Variants in PITPNM1 observed in about 807,000 individuals in gnomAD.
The protein encoded by PITPNM1 is phosphatidylinositol transfer protein membrane associated 1, also known as membrane-associated phosphatidylinositol transfer protein 1.
In PITPNM1, 74 loss-of-function variants were observed where a neutral mutation model predicts 133.3. That is an observed-to-expected ratio of 0.56 (90% CI 0.46 to 0.67). The LOEUF (loss-of-function observed/expected upper bound fraction) is 0.67. PITPNM1 is among the 30% of genes least tolerant of loss of function. The pLI is 0.00. For missense variants in PITPNM1, 1,398 were observed against 1,739.5 expected, an observed-to-expected ratio of 0.80 and a Z score of 3.49; for synonymous variants, 738 against 741.4, an observed-to-expected ratio of 1.00 and a Z score of 0.08.
rs1866416260 is a variant in PITPNM1, at chr11:67,504,087, TC to T, written c.78+15del. 11 of 1,582,400 alleles carry T rather than the reference TC, an allele frequency of 7.0e-6. No homozygotes were observed. The highest frequency in any genetic ancestry group is 7.7e-6 in the Non-Finnish European group (9 of 1,167,066). ...CTCCACCCCTTGCCCGGGTGCCCTCTCCCCGCCGCCCTCACCTGGATCATGT... is the reference window on the plus strand; with the variant it reads ...CTCCACCCCTTGCCCGGGTGCCCTCTCCCGCCGCCCTCACCTGGATCATGT... On this transcript the variant is annotated intron_variant, in intron 2 of 23. Transcript: ENST00000356404. This position sits in a 1 kb window ranked among gnomAD's most constrained non-coding sequence, Gnocchi z 5.4.
intron 14 of PITPNM1, 95 bp from the exon 15 acceptor site, chr11:67,496,443 G>C: frequency 8.7e-7 from 1 of 1,146,466 alleles, no homozygotes; most frequent in Non-Finnish European, 1.2e-6. Flanking sequence ...CTGATGTCTG[G>C]TGTGACCCCG....
In PITPNM1 at chr11:67,504,859, T is replaced by A. The variant is rs1220458840; in HGVS notation, c.-42+329A>T. ...TTCTTGGGCAGCCGGGTCCTCGACC[T>A]CCCCCTCCCAGCATCCTTCCTGGAC... On this transcript the variant is annotated intron_variant, in intron 1 of 23. Transcript: ENST00000356404. This position sits in a 1 kb window ranked among gnomAD's most constrained non-coding sequence, Gnocchi z 5.4. 6.6e-6 allele frequency: 1 copy of A among 152,514 alleles called. No individual in the cohort carries two copies. Among genetic ancestry groups the A allele is most frequent in the Non-Finnish European group, 1.5e-5 (1 of 68,456 alleles). The allele number at this position is 152,514 out of a possible 1,614,324, so 9.4% of individuals were successfully genotyped here.
At position 67,493,593 on chromosome 11, in the gene PITPNM1, C is replaced by T. The variant is rs1284248395; in HGVS notation, c.3159G>A (p.Arg1053=). The T allele has an allele frequency of 2.6e-6, 4 of 1,547,992 alleles. No individual in the cohort carries two copies. Among genetic ancestry groups the T allele is most frequent in the Non-Finnish European group, 2.6e-6 (3 of 1,144,988 alleles). ...TCAGGTAGCCGGAGTCCTGCCAGTG[C>T]CTGTGGGGCGGGGGCAGCGGTCAGC... ...KVRAGAVDVV[R]HWQDSGYLIV... The change falls in exon 22 of 24, where the codon AGG becomes AGA. Residue 1053 remains arginine (R), a splice_region_variant and synonymous_variant. Coordinates refer to ENST00000356404, the MANE Select transcript of PITPNM1 (RefSeq NM_004910.3).
At position 67,504,318 on chromosome 11, in the gene PITPNM1, G is replaced by A; in HGVS notation, c.-41-97C>T. 2.6e-6 allele frequency: 1 copy of A among 383,432 alleles called. No homozygotes were observed. The highest frequency in any genetic ancestry group is 4.5e-5 in the East Asian group (1 of 22,454). 23.8% of individuals were successfully genotyped at this position (383,432 alleles called of 1,614,324 possible). A position where few individuals can be genotyped will look rare whatever the true frequency, so the allele number is the denominator to read the frequency against. On this transcript the variant is annotated intron_variant, in intron 1 of 23. Transcript: ENST00000356404. The surrounding 1 kb of genome is among the most constrained non-coding windows in gnomAD (Gnocchi z 5.4). ...AGGGACTCAGGCCACGGGACCCCAT[G>A]TCCGGGCCCGCCACGAGGGAGGCAG... is the stretch of plus-strand genomic sequence containing the variant.
chr11:67,496,248 C>G lies in PITPNM1; in HGVS notation c.2247G>C (p.Gln749His), dbSNP rs763135032. Residue 749 changes from glutamine to histidine, a missense_variant, in exon 15 of 24, where the codon CAG becomes CAC. Physicochemically the swap from Gln to His is conservative, Grantham distance 24. Transcript: ENST00000356404. ...GGGGCACGGTCAGTGGGGCGATGGC[C>G]TGGAACTTCGGGGCCAGCAGGGGCT... ...RLEPLLAPKF[Q>H]AIAPLTVPRY... 6.4e-7 allele frequency: 1 copy of G among 1,559,054 alleles called. No homozygotes were observed. Among genetic ancestry groups the G allele is most frequent in the African/African-American group, 1.4e-5 (1 of 70,964 alleles).
At chr11:67,493,262 G>T (rs1865994975) in intron 22 of PITPNM1, 148 bp downstream of exon 22, 1 of 1,083,504 alleles carries the variant, frequency 9.2e-7, no homozygotes, top group Admixed American at 2.7e-5. Flanking sequence ...CCTCAAACTA[G>T]GGGAGCAGGA....
Position 67,498,024 on chromosome 11 carries a change from C to G in PITPNM1, c.1675G>C (p.Val559Leu). Residue 559 changes from valine (V) to leucine (L), a missense_variant and splice_region_variant, in exon 12 of 24, where the codon GTC becomes CTC. Physicochemically the swap from Val to Leu is conservative, Grantham distance 32. Coordinates refer to ENST00000356404, the MANE Select transcript of PITPNM1 (RefSeq NM_004910.3). This position sits in a 1 kb window ranked among gnomAD's most constrained non-coding sequence, Gnocchi z 5.7. ...CCAACACCATCTCCAATCAGTGCGA[C>G]CTGGGTGGGAGCAGGGGCACCATCA... ...SPEGAGFCGQ[V>L]ALIGDGVGGI... is the part of the protein sequence containing the mutation. 6.2e-7 allele frequency: 1 copy of G among 1,609,890 alleles called. No homozygotes were observed. The highest frequency in any genetic ancestry group is 8.5e-7 in the Non-Finnish European group (1 of 1,179,794).
rs112512649 is a variant in PITPNM1 at position 67,500,692 on chromosome 11, G to C, written c.641-271C>G. On this transcript the variant is annotated intron_variant, in intron 5 of 23. Coordinates refer to ENST00000356404, the MANE Select transcript of PITPNM1 (RefSeq NM_004910.3). ...CCCACCCCATCACTCCAGAAGCAGG[G>C]ACCAATGCTTGTTCTTGCTTTTGGC... Among the ~76,000 whole-genome samples the C allele has an allele frequency of 5.3e-3, 800 of 152,316 alleles. 9 individuals carry two copies. The highest frequency in any genetic ancestry group is 0.019 in the African/African-American group (772 of 41,560).
At position 67,492,055 on chromosome 11, in the gene PITPNM1, A is replaced by T; in HGVS notation, c.3713T>A (p.Leu1238Gln). The T allele has an allele frequency of 1.2e-6, 2 of 1,612,430 alleles. No homozygotes were observed. The highest frequency in any genetic ancestry group is 1.7e-6 in the Non-Finnish European group (2 of 1,179,838). ...LARGKARSIS[L>Q]KLDSEE Reference sequence around the variant, plus strand: ...GCCTCACTCCTCGCTGTCCAGCTTCAGGCTGATGCTCCGTGCTTTGCCCCG... The same window carrying T: ...GCCTCACTCCTCGCTGTCCAGCTTCTGGCTGATGCTCCGTGCTTTGCCCCG... Residue 1238 changes from leucine (L) to glutamine (Q), a missense_variant, in exon 24 of 24, where the codon CTG (leucine) becomes CAG (glutamine). Physicochemically the swap from Leu to Gln is moderately radical, Grantham distance 113. This residue lies in a region of PITPNM1 where 122 missense variants were observed against 123.3 expected (regional missense o/e 0.99). Transcript: ENST00000356404.
rs746563745 is a variant in PITPNM1, at chr11:67,498,784, G to A, written c.1296C>T (p.Ile432=). ...AGTCCAGGATGTTGCCGCTGTGCAG[G>A]ATAAGGAAGAGGGCGTGGACTGCGC... is the stretch of plus-strand genomic sequence containing the variant. The part of the protein sequence containing the change: ...EACAVHALFL[I]LHSGNILDSG... Residue 432 remains isoleucine, a synonymous_variant, in exon 10 of 24, where the codon ATC becomes ATT. Coordinates refer to ENST00000356404, the MANE Select transcript of PITPNM1 (RefSeq NM_004910.3). This position sits in a 1 kb window ranked among gnomAD's most constrained non-coding sequence, Gnocchi z 5.7. 6.2e-7 allele frequency: 1 copy of A among 1,612,566 alleles called. No homozygotes were observed. The highest frequency in any genetic ancestry group is 1.1e-5 in the South Asian group (1 of 91,076).
rs1359575459 is a variant in PITPNM1 at position 67,495,221 on chromosome 11, C to G, written c.2487G>C (p.Leu829=). ...TCCGCTTGGTCCCCCACCAGCGCTC[C>G]AGGACTGCGCGGCCATGGCAGCGAG... ...PSTTSEVVKI[L]ERWWGTKRID... is the part of the protein sequence containing the mutation. The change falls in exon 17 of 24, where the codon CTG becomes CTC. Residue 829 remains leucine (L), a synonymous_variant. Coordinates refer to ENST00000356404, the MANE Select transcript of PITPNM1 (RefSeq NM_004910.3). 2 of 1,588,056 alleles carry G rather than the reference C, an allele frequency of 1.3e-6. No individual in the cohort carries two copies. Among genetic ancestry groups the G allele is most frequent in the Non-Finnish European group, 1.7e-6 (2 of 1,163,702 alleles).
Position 67,493,913 on chromosome 11 carries a change from C to G in PITPNM1, c.3008+9G>C, listed in dbSNP as rs903068354. 4.6e-6 allele frequency: 7 copies of G among 1,537,956 alleles called. No individual in the cohort carries two copies. The African/African-American group carries it at 8.2e-5, about 18-fold the overall frequency. On this transcript the variant is annotated intron_variant, in intron 20 of 23. Coordinates refer to ENST00000356404, the MANE Select transcript of PITPNM1 (RefSeq NM_004910.3). ...GCCCTCCCGCAGAGGCCCGGCCAGC[C>G]GCGCTCACCTGACCACCATGCGCAC...
Position 67,502,320 on chromosome 11 carries a change from G to T in PITPNM1, c.387C>A (p.Ser129Arg). Residue 129 changes from serine (S) to arginine (R), a missense_variant, in exon 4 of 24, where the codon AGC (serine) becomes AGA (arginine). Physicochemically the swap from Ser to Arg is moderately radical, Grantham distance 110 (BLOSUM62 -1). This residue lies in a region of PITPNM1 where 274 missense variants were observed against 360.7 expected (regional missense o/e 0.76). Coordinates refer to ENST00000356404, the MANE Select transcript of PITPNM1 (RefSeq NM_004910.3). The surrounding 1 kb of genome is among the most constrained non-coding windows in gnomAD (Gnocchi z 5.9). Reference sequence around the variant, plus strand: ...GGATGCGCTGTCTCCTCTCGGCCCCGCTCAGGTTGAAGACGTTTGGCTGCT... The same window carrying T: ...GGATGCGCTGTCTCCTCTCGGCCCCTCTCAGGTTGAAGACGTTTGGCTGCT... Reference protein sequence around the residue: ...GGQQPNVFNLSGAERRQRILD... With the variant: ...GGQQPNVFNLRGAERRQRILD... 6.2e-6 allele frequency: 10 copies of T among 1,613,462 alleles called. No individual in the cohort carries two copies. The highest frequency in any genetic ancestry group is 8.5e-6 in the Non-Finnish European group (10 of 1,180,014).
At chr11:67,500,055 G>A (rs1348492981) in intron 6 of PITPNM1, 40 bp downstream of exon 6, 2 of 1,604,204 alleles carry the variant, frequency 1.2e-6, no homozygotes, top group Non-Finnish European at 8.5e-7. Flanking sequence ...AGCCCAGCCT[G>A]GGGAGGGCCG....
In PITPNM1 at chr11:67,500,234, G is replaced by C. The variant is rs748675950; in HGVS notation, c.828C>G (p.Thr276=). Residue 276 remains threonine, a synonymous_variant, in exon 6 of 24, where the codon ACC becomes ACG. Coordinates refer to ENST00000356404, the MANE Select transcript of PITPNM1 (RefSeq NM_004910.3). Reference sequence around the variant, plus strand: ...TGTTGCTGGCCGCAGACCGGGCCTCGGTGCTCGGTTTCCCGGGGGGCTGGG... The same window carrying C: ...TGTTGCTGGCCGCAGACCGGGCCTCCGTGCTCGGTTTCCCGGGGGGCTGGG... ...SEAQPPGKPS[T]EARSAASNTG... The C allele has an allele frequency of 6.2e-7, 1 of 1,605,108 alleles. No homozygotes were observed.
At position 67,498,049 on chromosome 11, in the gene PITPNM1, A is replaced by T. The variant is rs1480943143; in HGVS notation, c.1675-25T>A. The T allele has an allele frequency of 6.2e-7, 1 of 1,608,206 alleles. No individual in the cohort carries two copies. The highest frequency in any genetic ancestry group is 1.7e-5 in the Admixed American group (1 of 59,990). ...CCTGGGTGGGAGCAGGGGCACCATC[A>T]GGAGAGGCCTTGTCCTCACCCAGGC... On this transcript the variant is annotated intron_variant, in intron 11 of 23. Coordinates refer to ENST00000356404, the MANE Select transcript of PITPNM1 (RefSeq NM_004910.3). The surrounding 1 kb of genome is among the most constrained non-coding windows in gnomAD (Gnocchi z 5.7).
chr11:67,494,847 C>T lies in PITPNM1; in HGVS notation c.2741G>A (p.Arg914Gln). ...WQRKRTQVKI[R>Q]NVTSNHRASD... is the part of the protein sequence containing the mutation. ...GGGGGCGAGGGGCAGGGCACCTACC[C>T]GGATCTTGACCTGCGTGCGTTTTCG... The change falls in exon 18 of 24, where the codon CGG becomes CAG. Residue 914 changes from arginine (R) to glutamine (Q), a missense_variant and splice_region_variant. Arg to Gln is a conservative substitution (Grantham distance 43). Transcript: ENST00000356404. 1 of 1,609,546 alleles carries T rather than the reference C, an allele frequency of 6.2e-7. No homozygotes were observed. Among genetic ancestry groups the T allele is most frequent in the Non-Finnish European group, 8.5e-7 (1 of 1,177,324 alleles).
chr11:67,495,239 G>T lies in PITPNM1; in HGVS notation c.2483-14C>A. Reference sequence around the variant, plus strand: ...AGCGCTCCAGGACTGCGCGGCCATGGCAGCGAGTCAGGATGGCCTCCTGCC... The same window carrying T: ...AGCGCTCCAGGACTGCGCGGCCATGTCAGCGAGTCAGGATGGCCTCCTGCC... On this transcript the variant is annotated splice_polypyrimidine_tract_variant and intron_variant, in intron 16 of 23. Coordinates refer to ENST00000356404, the MANE Select transcript of PITPNM1 (RefSeq NM_004910.3). The T allele has an allele frequency of 6.4e-7, 1 of 1,571,202 alleles. No individual in the cohort carries two copies. The highest frequency in any genetic ancestry group is 8.7e-7 in the Non-Finnish European group (1 of 1,154,444).
At position 67,492,102 on chromosome 11, in the gene PITPNM1, TC is replaced by T. The variant is rs758124250; in HGVS notation, c.3665del (p.Gly1222GlufsTer17). The T allele has an allele frequency of 6.2e-6, 10 of 1,612,224 alleles. No homozygotes were observed. The highest frequency in any genetic ancestry group is 7.6e-6 in the Non-Finnish European group (9 of 1,179,872). On this transcript the variant is annotated frameshift_variant, in exon 24 of 24. Coordinates refer to ENST00000356404, the MANE Select transcript of PITPNM1 (RefSeq NM_004910.3). LOFTEE classifies it high-confidence loss of function. ...GPSQAEREGP[G>X]TPPTTLARGK... ...CCCGTGCCAGGGTGGTGGGTGGTGT[TC>T]CCGGGCCCTCACGCTCCGCCTGGCT...
Sources: allele counts gnomAD v4.1 joint callset (sites outside exome capture counted in the v4.1 genomes callset), GRCh38; gene constraint gnomAD v4.1.1; regional missense constraint gnomAD v4.1.1; non-coding constraint Gnocchi (gnomAD v3.1); transcripts MANE v1.5; gene names NCBI Gene and HGNC (gene_info 2026-07-23, HGNC 2026-07-21).